The following LYZL4 variants were observed in gnomAD, a reference collection of about 807,000 sequenced individuals.
The protein encoded by LYZL4 is lysozyme like 4, also known as lysozyme-like protein 4.
A neutral mutation model predicts 17.6 loss-of-function variants in LYZL4; 13 were observed. The ratio of observed to expected loss-of-function variants is 0.74; its 90% CI spans 0.48 to 1.18. The LOEUF (loss-of-function observed/expected upper bound fraction) is 1.18. Among genes scored for constraint, LYZL4 ranks in the 50% most tolerant of loss-of-function variants. LYZL4 has a pLI of 0.00. For synonymous variants in LYZL4, 64 were observed against 67.7 expected (o/e 0.95, Z 0.27); for missense variants, 174 against 188.2 (o/e 0.92, Z 0.44).
the LYZL4 span, among the ~76,000 whole-genome samples, chr3:42,366,128 T>C: frequency 1.3e-5 from 2 of 151,854 alleles, no homozygotes; most frequent in African/African-American, 2.4e-5. Context: ...TAAAAGGCCA[T>C]GTTTGTCCAC....
rs891084997 is a variant in LYZL4 at position 42,407,298 on chromosome 3, G to A, written c.-47C>T. On this transcript the variant is annotated 5_prime_UTR_variant, in exon 2 of 5. Transcript: ENST00000287748. ...TCAGGGCAACGGTGGCCAGATGAGT[G>A]GGTGGAGTCACAGGGACACTGGTTC... is the stretch of plus-strand genomic sequence containing the variant. 6.2e-7 allele frequency: 1 copy of A among 1,612,402 alleles called. No individual in the cohort carries two copies. The highest frequency in any genetic ancestry group is 8.5e-7 in the Non-Finnish European group (1 of 1,179,434).
the LYZL4 span, among the ~76,000 whole-genome samples, chr3:42,365,056 G>A: frequency 3.3e-5 from 5 of 152,154 alleles, no homozygotes; most frequent in Middle Eastern, 3.2e-3. Flanking sequence ...ACATGTCAGT[G>A]TCATACAAAA....
downstream of LYZL4, among the ~76,000 whole-genome samples, chr3:42,394,388 C>T (rs1228335626): frequency 6.6e-6 from 1 of 152,096 alleles, no homozygotes; most frequent in East Asian, 1.9e-4. Flanking sequence ...GAGGAGATAC[C>T]AATCCCAACT....
the LYZL4 span, among the ~76,000 whole-genome samples, chr3:42,379,790 T>A: frequency 4.3e-4 from 66 of 152,280 alleles, no homozygotes; most frequent in African/African-American, 1.5e-3. Context: ...CCAAAACTCA[T>A]ATGTTGAAAT....
chr3:42,386,406 C>A, the LYZL4 span, among the ~76,000 whole-genome samples: 22 of 134,742 alleles, frequency 1.6e-4, 1 homozygote, highest in Admixed American at 3.1e-4. Flanking sequence ...CCCCCCCCCC[C>A]CCCCCCGCCT....
At chr3:42,364,533 C>T in the LYZL4 span, among the ~76,000 whole-genome samples, 3 of 151,694 alleles carry the variant, frequency 2.0e-5, no homozygotes, top group Admixed American at 6.6e-5. Context: ...TTAGTAGAGA[C>T]GGGGTTTCAC....
the LYZL4 span, among the ~76,000 whole-genome samples, chr3:42,370,061 TG>T: frequency 2.0e-5 from 3 of 152,208 alleles, no homozygotes; most frequent in South Asian, 6.2e-4. Flanking sequence ...GCTGTGAAGC[TG>T]GGGGATAATA....
the LYZL4 span, among the ~76,000 whole-genome samples, chr3:42,389,430 A>C: frequency 6.6e-6 from 1 of 152,150 alleles, no homozygotes; most frequent in Non-Finnish European, 1.5e-5. Context: ...CCTGCACCAC[A>C]GGCGCAATGG....
the LYZL4 span, among the ~76,000 whole-genome samples, chr3:42,363,326 T>G: frequency 6.6e-6 from 1 of 152,206 alleles, no homozygotes; most frequent in South Asian, 2.1e-4. Flanking sequence ...TTAATGTTAA[T>G]TATCTTAGGA....
the LYZL4 span, among the ~76,000 whole-genome samples, chr3:42,365,382 A>G: frequency 1.3e-5 from 2 of 152,302 alleles, no homozygotes; most frequent in Admixed American, 6.5e-5. Flanking sequence ...CAATAATAAG[A>G]GTTTATTTCA....
At chr3:42,392,839 T>A (rs965742607), downstream of LYZL4, among the ~76,000 whole-genome samples, 2 of 152,116 alleles carry the variant, frequency 1.3e-5, no homozygotes, top group African/African-American at 4.8e-5. Flanking sequence ...GAGTGGGGTC[T>A]TAGAATTGAG....
At chr3:42,372,138 G>A in the LYZL4 span, among the ~76,000 whole-genome samples, 2 of 152,216 alleles carry the variant, frequency 1.3e-5, no homozygotes, top group Non-Finnish European at 2.9e-5. Context: ...TGTCCTGGTA[G>A]CCAGGGCTTG....
Position 42,406,876 on chromosome 3 carries a change from C to A in LYZL4, c.262G>T (p.Gly88Cys). The A allele has an allele frequency of 6.2e-7, 1 of 1,614,228 alleles. No homozygotes were observed. The highest frequency in any genetic ancestry group is 8.5e-7 in the Non-Finnish European group (1 of 1,180,046). ...CATGACATATGGCAGCGGTTCCTGC[C>A]ATGGTCGCCACACCAGTCACTGCCA... is the stretch of plus-strand genomic sequence containing the variant. ...MRGSDWCGDH[G>C]RNRCHMSCSA... The change falls in exon 3 of 5, where the codon GGC becomes TGC. Residue 88 changes from glycine to cysteine, a missense_variant. Gly to Cys is a radical substitution (Grantham distance 159). Transcript: ENST00000287748.
chr3:42,374,349 G>T, the LYZL4 span, among the ~76,000 whole-genome samples: 4 of 152,154 alleles, frequency 2.6e-5, no homozygotes, highest in Non-Finnish European at 5.9e-5. Flanking sequence ...AGTGCAGGGG[G>T]TGACATAGTT....
intron 4 of LYZL4, among the ~76,000 whole-genome samples, chr3:42,402,054 A>G (rs962769673): frequency 3.3e-5 from 5 of 152,046 alleles, no homozygotes; most frequent in Admixed American, 3.3e-4. Flanking sequence ...ATTTGTTAAA[A>G]TAACCATAAA....
the LYZL4 span, among the ~76,000 whole-genome samples, chr3:42,381,680 C>T: frequency 6.6e-6 from 1 of 152,228 alleles, no homozygotes; most frequent in African/African-American, 2.4e-5. Flanking sequence ...GGCCAAGTCT[C>T]ATGGGAAAGG....
At chr3:42,391,046 G>A in the LYZL4 span, among the ~76,000 whole-genome samples, 5 of 152,084 alleles carry the variant, frequency 3.3e-5, no homozygotes, top group African/African-American at 7.2e-5. Context: ...TTTGACATAC[G>A]TACCCATGGT....
chr3:42,376,665 C>G, the LYZL4 span, among the ~76,000 whole-genome samples: 1 of 152,192 alleles, frequency 6.6e-6, no homozygotes, highest in South Asian at 2.1e-4. Flanking sequence ...GGGGGCGGAT[C>G]TCTCTATATG....
the LYZL4 span, among the ~76,000 whole-genome samples, chr3:42,382,906 G>C: frequency 7.9e-5 from 12 of 152,056 alleles, no homozygotes; most frequent in African/African-American, 2.4e-4. Context: ...CACAGCCGGA[G>C]TTGCCCCTAG....
Sources: allele counts gnomAD v4.1 joint callset (sites outside exome capture counted in the v4.1 genomes callset), GRCh38; gene constraint gnomAD v4.1.1; transcripts MANE v1.5; gene names NCBI Gene and HGNC (gene_info 2026-07-23, HGNC 2026-07-21).